The following ZNF385B variants were observed in gnomAD, a reference collection of about 807,000 sequenced individuals.
ZNF385B encodes the protein zinc finger protein 533.
In ZNF385B, 23 loss-of-function variants were observed where a neutral mutation model predicts 39.2. The observed-to-expected ratio is 0.59, with a 90% CI of 0.42 to 0.83. The LOEUF (loss-of-function observed/expected upper bound fraction) is 0.83. Ranked by LOEUF, ZNF385B falls within the 40% of genes least tolerant of loss-of-function variation. The pLI is 0.00. For synonymous variants in ZNF385B, 205 were observed against 222.6 expected, an observed-to-expected ratio of 0.92 and a Z score of 0.70; for missense variants, 552 against 598.9, an observed-to-expected ratio of 0.92 and a Z score of 0.82.
intron 6 of ZNF385B, among the ~76,000 whole-genome samples, chr2:179,472,629 T>C (rs892700351): frequency 6.6e-6 from 1 of 152,198 alleles, no homozygotes; most frequent in Admixed American, 6.5e-5. Context: ...TACCAAAAAA[T>C]TGTTTACCAA....
At chr2:179,788,051 TAGAG>T (rs777569756) in intron 1 of ZNF385B, among the ~76,000 whole-genome samples, 5 of 152,324 alleles carry the variant, frequency 3.3e-5, no homozygotes, top group South Asian at 4.1e-4. Flanking sequence ...CATTTAAACA[TAGAG>T]AGAATATAAG....
chr2:179,601,023 C>T (rs1451922730), intron 3 of ZNF385B, among the ~76,000 whole-genome samples: 1 of 152,170 alleles, frequency 6.6e-6, no homozygotes, highest in African/African-American at 2.4e-5. Flanking sequence ...GTGAAGGTGA[C>T]ATTATAAACA....
chr2:179,784,302 A>T (rs1315249496), intron 1 of ZNF385B, among the ~76,000 whole-genome samples: 1 of 152,004 alleles, frequency 6.6e-6, no homozygotes, highest in African/African-American at 2.4e-5. Context: ...AACAGCAGAC[A>T]CTCGGGTCTA....
rs527346017 is a variant in ZNF385B at position 179,741,913 on chromosome 2, G to A, written c.298+27590C>T. ...AAGGGTAACAAATATTTAAATAAAG[G>A]CCAGATGAACGGGTAGGGGAGAAGG... is the stretch of plus-strand genomic sequence containing the variant. On this transcript the variant is annotated intron_variant, in intron 3 of 9. Coordinates refer to ENST00000410066, the MANE Select transcript of ZNF385B (RefSeq NM_152520.6). 2.0e-5 allele frequency among the ~76,000 whole-genome samples: 3 copies of A among 151,914 alleles called. No homozygotes were observed. In the East Asian group the frequency reaches 5.8e-4, roughly 29 times the overall value.
chr2:179,564,876 T>C (rs1559487548), intron 3 of ZNF385B, among the ~76,000 whole-genome samples: 1 of 152,088 alleles, frequency 6.6e-6, no homozygotes, highest in South Asian at 2.1e-4. Context: ...CCTGCCCCTA[T>C]CCCCTCACCT....
chr2:179,828,868 C>G (rs1395015861), intron 1 of ZNF385B, among the ~76,000 whole-genome samples: 1 of 151,610 alleles, frequency 6.6e-6, no homozygotes, highest in Non-Finnish European at 1.5e-5. Flanking sequence ...TTCCTAGGAT[C>G]AACAATGTCA....
At chr2:179,700,815 C>T (rs1386491675) in intron 3 of ZNF385B, among the ~76,000 whole-genome samples, 1 of 152,090 alleles carries the variant, frequency 6.6e-6, no homozygotes, top group African/African-American at 2.4e-5. Flanking sequence ...AGATTGAGAC[C>T]ATCCTGGTTA....
At chr2:179,660,723 A>G (rs1040647132) in intron 3 of ZNF385B, among the ~76,000 whole-genome samples, 43 of 152,168 alleles carry the variant, frequency 2.8e-4, no homozygotes, top group Admixed American at 5.9e-4. Context: ...GCTTCTCCTG[A>G]GAGAAGAACA....
chr2:179,703,085 C>T (rs1699330683), intron 3 of ZNF385B, among the ~76,000 whole-genome samples: 1 of 152,218 alleles, frequency 6.6e-6, no homozygotes, highest in Non-Finnish European at 1.5e-5. Context: ...ATGTTATAAC[C>T]TTGGCTCTTC....
intron 3 of ZNF385B, among the ~76,000 whole-genome samples, chr2:179,549,714 T>C (rs2060450350): frequency 6.7e-6 from 1 of 149,528 alleles, no homozygotes; most frequent in Non-Finnish European, 1.5e-5. Context: ...TTTAATGGAC[T>C]GTCATACTTC....
intron 5 of ZNF385B, among the ~76,000 whole-genome samples, chr2:179,499,915 A>G (rs1255337366): frequency 6.6e-6 from 1 of 152,054 alleles, no homozygotes; most frequent in Non-Finnish European, 1.5e-5. Flanking sequence ...AAAACCTATT[A>G]GGACTGATAA....
chr2:179,856,624 CAAAA>C (rs11308289), intron 1 of ZNF385B, among the ~76,000 whole-genome samples: 4 of 108,336 alleles, frequency 3.7e-5, no homozygotes, highest in Admixed American at 9.1e-5. Flanking sequence ...ACAGCAGAGA[CAAAA>C]AAAAAAAAAA....
intron 1 of ZNF385B, among the ~76,000 whole-genome samples, chr2:179,791,040 T>C (rs1331174832): frequency 6.6e-6 from 1 of 152,214 alleles, no homozygotes; most frequent in African/African-American, 2.4e-5. Flanking sequence ...TGGGTTTGCA[T>C]AGAGATTATT....
At chr2:179,683,168 A>C (rs1697654892) in intron 3 of ZNF385B, among the ~76,000 whole-genome samples, 1 of 152,018 alleles carries the variant, frequency 6.6e-6, no homozygotes. Flanking sequence ...CGGGCGGATC[A>C]CCTGAGGTCA....
intron 3 of ZNF385B, among the ~76,000 whole-genome samples, chr2:179,696,409 C>A (rs1698766520): frequency 7.7e-6 from 1 of 130,406 alleles, no homozygotes; most frequent in Non-Finnish European, 1.6e-5. Flanking sequence ...AAGTGTCTGA[C>A]CAACTACTTT....
At chr2:179,636,057 T>C (rs1488270065) in intron 3 of ZNF385B, among the ~76,000 whole-genome samples, 2 of 152,218 alleles carry the variant, frequency 1.3e-5, no homozygotes, top group Non-Finnish European at 2.9e-5. Flanking sequence ...CACCAGCATG[T>C]TATCTAGCAT....
At chr2:179,494,081 G>A (rs916644565) in intron 5 of ZNF385B, among the ~76,000 whole-genome samples, 1 of 151,832 alleles carries the variant, frequency 6.6e-6, no homozygotes, top group African/African-American at 2.4e-5. Flanking sequence ...ATAAAGACAA[G>A]TAAGGGGTAG....
In ZNF385B at chr2:179,726,379, T is replaced by C. The variant is rs1020234715; in HGVS notation, c.298+43124A>G. On this transcript the variant is annotated intron_variant, in intron 3 of 9. Coordinates refer to ENST00000410066, the MANE Select transcript of ZNF385B (RefSeq NM_152520.6). ...CCAATTCTGGATATTGTTTTAAAAA[T>C]ATAATTATATAAGTTTGGAATCACA... Among the ~76,000 whole-genome samples the C allele has an allele frequency of 2.0e-5, 3 of 152,056 alleles. No individual in the cohort carries two copies. The East Asian group carries it at 5.8e-4, about 29-fold the overall frequency.
intron 3 of ZNF385B, among the ~76,000 whole-genome samples, chr2:179,639,856 AATGAAGCAATC>A (rs1184618045): frequency 6.6e-6 from 1 of 152,172 alleles, no homozygotes; most frequent in African/African-American, 2.4e-5. Context: ...GTTTCTTTAC[AATGAAGCAATC>A]ATGCAGACAC....
Sources: allele counts gnomAD v4.1 joint callset (sites outside exome capture counted in the v4.1 genomes callset), GRCh38; gene constraint gnomAD v4.1.1; transcripts MANE v1.5; gene names NCBI Gene and HGNC (gene_info 2026-07-23, HGNC 2026-07-21).